The following PALLD variants were observed in gnomAD, a reference collection of about 807,000 sequenced individuals.
PALLD encodes the protein palladin.
Under a neutral mutation model 123.5 loss-of-function variants are expected in PALLD, and 61 were observed. That is an observed-to-expected ratio of 0.49 (90% CI 0.40 to 0.61). The LOEUF (loss-of-function observed/expected upper bound fraction) is 0.61. Among genes scored for constraint, PALLD ranks in the 20% least tolerant of loss-of-function variants. PALLD has a pLI of 0.00. For missense variants in PALLD, 1,273 were observed against 1,377.0 expected, an observed-to-expected ratio of 0.92 and a Z score of 1.20; for synonymous variants, 465 against 496.4, an observed-to-expected ratio of 0.94 and a Z score of 0.84.
chr4:168,631,156 A>T (rs1775760732), intron 2 of PALLD, among the ~76,000 whole-genome samples: 1 of 152,222 alleles, frequency 6.6e-6, no homozygotes, highest in Non-Finnish European at 1.5e-5. Flanking sequence ...CTTTGCAGTA[A>T]GGCGGCATCA....
At chr4:168,624,694 G>A (rs1775071363) in intron 2 of PALLD, among the ~76,000 whole-genome samples, 1 of 152,080 alleles carries the variant, frequency 6.6e-6, no homozygotes, top group South Asian at 2.1e-4. Context: ...AAATACAAGA[G>A]AATTGGGAAA....
intron 10 of PALLD, among the ~76,000 whole-genome samples, chr4:168,796,521 C>G (rs1252651423): frequency 6.6e-6 from 1 of 152,234 alleles, no homozygotes; most frequent in Non-Finnish European, 1.5e-5. Context: ...GGGAGTCCAT[C>G]TGGCTCTCCG....
chr4:168,699,589 G>A (rs1783482570), intron 8 of PALLD, among the ~76,000 whole-genome samples: 1 of 150,590 alleles, frequency 6.6e-6, no homozygotes, highest in Non-Finnish European at 1.5e-5. Context: ...TTATTACCCA[G>A]GGAACCCAGT....
At chr4:168,558,249 C>G (rs971863543) in intron 2 of PALLD, among the ~76,000 whole-genome samples, 1 of 152,194 alleles carries the variant, frequency 6.6e-6, no homozygotes, top group African/African-American at 2.4e-5. Flanking sequence ...AAAACCAGTG[C>G]TGGCAGATCA....
intron 10 of PALLD, among the ~76,000 whole-genome samples, chr4:168,785,846 G>GAGATATATATATATATATATATATAT (rs764117358): frequency 4.9e-5 from 4 of 80,892 alleles, no homozygotes; most frequent in Non-Finnish European, 1.1e-4. Context: ...AAACTGTAGA[G>GAGATATATATATATATATATATATAT]ATATATATAT....
intron 10 of PALLD, among the ~76,000 whole-genome samples, chr4:168,723,254 G>A (rs1449118809): frequency 6.6e-6 from 1 of 152,192 alleles, no homozygotes; most frequent in Non-Finnish European, 1.5e-5. Flanking sequence ...TTGGTGACAA[G>A]CAGGGAAGAC....
At chr4:168,896,788 C>G (rs1463226850) in intron 13 of PALLD, among the ~76,000 whole-genome samples, 189 bp downstream of exon 13, 1 of 151,940 alleles carries the variant, frequency 6.6e-6, no homozygotes, top group Non-Finnish European at 1.5e-5. Context: ...CATGTATTTA[C>G]CAGCTTGAAT....
At chr4:168,744,673 A>G (rs1561473072) in intron 10 of PALLD, among the ~76,000 whole-genome samples, 1 of 152,208 alleles carries the variant, frequency 6.6e-6, no homozygotes, top group Non-Finnish European at 1.5e-5. Flanking sequence ...CCCAATTTAC[A>G]ATGATTCAAC....
At chr4:168,704,916 C>T (rs1210365187) in intron 8 of PALLD, among the ~76,000 whole-genome samples, 1 of 151,982 alleles carries the variant, frequency 6.6e-6, no homozygotes, top group African/African-American at 2.4e-5. Flanking sequence ...AATATTTGGT[C>T]AATTTTTTAA....
At chr4:168,727,366 T>C (rs1314782462) in intron 10 of PALLD, among the ~76,000 whole-genome samples, 1 of 152,166 alleles carries the variant, frequency 6.6e-6, no homozygotes, top group African/African-American at 2.4e-5. Context: ...ATTCCCTTTT[T>C]TCCATAGCCT....
chr4:168,894,664 A>G lies in PALLD; in HGVS notation c.2186A>G (p.Glu729Gly). The stretch of plus-strand genomic sequence containing the variant: ...TTTAATATTCAGGAGCCAGAAGAGG[A>G]AACAGCTAATCAGGTACCATGTTGC... ...TVFNIQEPEE[E>G]TANQDIGSPH... is the part of the protein sequence containing the mutation. The change falls in exon 12 of 22, where the codon GAA (glutamate) becomes GGA (glycine). Residue 729 changes from glutamate to glycine, a missense_variant. Glu to Gly is a moderately conservative substitution (Grantham distance 98). Around this residue, in one of 2 missense-constraint regions of PALLD, gnomAD observed 944 missense variants for 954.5 expected, o/e 0.99. Transcript: ENST00000505667. The G allele has an allele frequency of 6.2e-7, 1 of 1,613,526 alleles. No individual in the cohort carries two copies. Among genetic ancestry groups the G allele is most frequent in the Admixed American group, 1.7e-5 (1 of 60,022 alleles).
intron 1 of PALLD, among the ~76,000 whole-genome samples, chr4:168,500,330 C>A (rs1372508971): frequency 6.6e-6 from 1 of 152,116 alleles, no homozygotes; most frequent in Non-Finnish European, 1.5e-5. Context: ...TGCCTTGATT[C>A]ATGGGGATCA....
chr4:168,862,113 T>C (rs1473831564), intron 10 of PALLD, among the ~76,000 whole-genome samples: 3 of 152,180 alleles, frequency 2.0e-5, no homozygotes, highest in Non-Finnish European at 4.4e-5. Context: ...AGAAATATTG[T>C]ATAGAAATGT....
chr4:168,531,548 C>G (rs1186370687), intron 2 of PALLD, among the ~76,000 whole-genome samples: 2 of 152,168 alleles, frequency 1.3e-5, no homozygotes, highest in East Asian at 3.9e-4. Context: ...ATTCACGTAT[C>G]TTCTGTCCCC....
chr4:168,564,000 A>G (rs1768113800), intron 2 of PALLD, among the ~76,000 whole-genome samples: 2 of 152,184 alleles, frequency 1.3e-5, no homozygotes, highest in Admixed American at 1.3e-4. Flanking sequence ...GTCTGCCTTC[A>G]TCACCCTTCT....
At chr4:168,719,645 A>G (rs1785789263) in intron 10 of PALLD, among the ~76,000 whole-genome samples, 1 of 152,132 alleles carries the variant, frequency 6.6e-6, no homozygotes, top group Admixed American at 6.5e-5. Flanking sequence ...TGCCTGTCAC[A>G]GGGGTTTGGT....
chr4:168,832,539 C>T (rs975416609), intron 10 of PALLD, among the ~76,000 whole-genome samples: 5 of 152,200 alleles, frequency 3.3e-5, no homozygotes, highest in African/African-American at 1.2e-4. Context: ...CTTGGCCACG[C>T]TCCCTGAGGG....
intron 2 of PALLD, among the ~76,000 whole-genome samples, chr4:168,637,837 G>A (rs977709122): frequency 6.6e-6 from 1 of 151,306 alleles, no homozygotes; most frequent in Non-Finnish European, 1.5e-5. Flanking sequence ...CCAGCTACCC[G>A]GTTGGCTGAG....
chr4:168,539,971 C>T (rs1305776438), intron 2 of PALLD, among the ~76,000 whole-genome samples: 1 of 152,010 alleles, frequency 6.6e-6, no homozygotes, highest in Non-Finnish European at 1.5e-5. Context: ...CTCCCTCCCT[C>T]CCCCTTCTAG....
Sources: gnomAD v4.1 joint callset for allele counts (sites outside exome capture counted in the v4.1 genomes callset) on GRCh38, gnomAD v4.1.1 for gene constraint, gnomAD v4.1.1 regional missense constraint, MANE v1.5 for transcripts, NCBI Gene and HGNC (gene_info 2026-07-23, HGNC 2026-07-21) for gene names.